The following NALF1 variants were observed in gnomAD, a reference collection of about 807,000 sequenced individuals.
The protein encoded by NALF1 is NALCN channel auxiliary factor 1, also known as family with sequence similarity 155 member A.
A neutral mutation model predicts 48.4 loss-of-function variants in NALF1; 3 were observed. The observed-to-expected ratio is 0.06, with a 90% CI of 0.03 to 0.16. The LOEUF is 0.16. Among genes scored for constraint, NALF1 ranks in the 10% least tolerant of loss-of-function variants. The pLI, the probability that NALF1 is intolerant of heterozygous loss-of-function variation, is 1.00. For missense variants in NALF1, 526 were observed against 571.5 expected, an observed-to-expected ratio of 0.92 and a Z score of 0.81; for synonymous variants, 262 against 245.7, an observed-to-expected ratio of 1.07 and a Z score of -0.62.
chr13:107,279,990 C>T (rs1438504950), intron 1 of NALF1, among the ~76,000 whole-genome samples: 3 of 151,980 alleles, frequency 2.0e-5, no homozygotes, highest in Admixed American at 2.0e-4. Flanking sequence ...TGAGGTCTTG[C>T]TATGTTGCCC....
intron 1 of NALF1, among the ~76,000 whole-genome samples, chr13:107,680,994 CA>C (rs1881287574): frequency 6.6e-6 from 1 of 150,996 alleles, no homozygotes; most frequent in Admixed American, 6.6e-5. Context: ...GTTAATTTTT[CA>C]GTTTTCTGCC....
intron 1 of NALF1, among the ~76,000 whole-genome samples, chr13:107,293,968 G>T (rs2138885490): frequency 6.6e-6 from 1 of 152,344 alleles, no homozygotes; most frequent in East Asian, 1.9e-4. Flanking sequence ...GATAAAACAA[G>T]GGAGGATTTC....
At chr13:107,613,920 T>C (rs1255686722) in intron 1 of NALF1, among the ~76,000 whole-genome samples, 1 of 152,198 alleles carries the variant, frequency 6.6e-6, no homozygotes, top group Non-Finnish European at 1.5e-5. Flanking sequence ...TGTTGGCAAG[T>C]CACTTAGTTC....
chr13:107,194,219 A>G (rs555153787), intron 2 of NALF1, among the ~76,000 whole-genome samples: 1 of 152,238 alleles, frequency 6.6e-6, no homozygotes, highest in South Asian at 2.1e-4. Context: ...CCTCACATAG[A>G]CATTGTGAAG....
intron 1 of NALF1, among the ~76,000 whole-genome samples, chr13:107,249,291 C>A (rs536445458): frequency 6.6e-6 from 1 of 151,934 alleles, no homozygotes; most frequent in African/African-American, 2.4e-5. Context: ...TGATTTATAG[C>A]GAGGAAATCT....
In NALF1 at chr13:107,163,903, AAAAG is replaced by A. The variant is rs1878607824; in HGVS notation, c.*6590_*6593del. 1 of 152,218 alleles carries A rather than the reference AAAAG, an allele frequency of 6.6e-6. No homozygotes were observed. Among genetic ancestry groups the A allele is most frequent in the Non-Finnish European group, 1.5e-5 (1 of 68,036 alleles). 9.4% of individuals were successfully genotyped at this position (152,218 alleles called of 1,614,324 possible). Reference sequence around the variant, plus strand: ...AAAGAAAACAAGAGAAAAAGGAAGAAAAAGAAAGCAAGAGGTTTTCTTTTAACGT... The same window carrying A: ...AAAGAAAACAAGAGAAAAAGGAAGAAAAAGCAAGAGGTTTTCTTTTAACGT... On this transcript the variant is annotated 3_prime_UTR_variant, in exon 3 of 3. Transcript: ENST00000375915.
At chr13:107,523,177 G>A (rs992989603) in intron 1 of NALF1, among the ~76,000 whole-genome samples, 2 of 152,032 alleles carry the variant, frequency 1.3e-5, no homozygotes, top group Non-Finnish European at 2.9e-5. Flanking sequence ...TCATAAGGAG[G>A]GAGGAATTCA....
chr13:107,789,621 A>G (rs1356649014), intron 1 of NALF1, among the ~76,000 whole-genome samples: 3 of 152,194 alleles, frequency 2.0e-5, no homozygotes, highest in African/African-American at 7.2e-5. Flanking sequence ...TTCTTTTTTA[A>G]GCATCAAAAT....
intron 1 of NALF1, among the ~76,000 whole-genome samples, chr13:107,393,212 G>C (rs963076774): frequency 6.6e-6 from 1 of 152,046 alleles, no homozygotes; most frequent in African/African-American, 2.4e-5. Flanking sequence ...AAGAGTTACA[G>C]GAGAAAGAAG....
chr13:107,462,073 T>A (rs1307000255), intron 1 of NALF1, among the ~76,000 whole-genome samples: 2 of 152,194 alleles, frequency 1.3e-5, no homozygotes, highest in Non-Finnish European at 2.9e-5. Flanking sequence ...TTCCTAGTAT[T>A]TCCTGGGAGG....
At position 107,542,421 on chromosome 13, in the gene NALF1, T is replaced by C. The variant is rs541904648; in HGVS notation, c.915+323261A>G. 6.6e-5 allele frequency among the ~76,000 whole-genome samples: 10 copies of C among 152,276 alleles called. No homozygotes were observed. The South Asian group carries it at 2.1e-3, about 32-fold the overall frequency. On this transcript the variant is annotated intron_variant, in intron 1 of 2. Transcript: ENST00000375915. Reference sequence around the variant, plus strand: ...AATGTTCAGAAATTGACTGTGGTGATAGTTTGACATATCTGTGAATATATT... The same window carrying C: ...AATGTTCAGAAATTGACTGTGGTGACAGTTTGACATATCTGTGAATATATT...
chr13:107,353,200 T>A (rs984506199), intron 1 of NALF1, among the ~76,000 whole-genome samples: 1 of 152,214 alleles, frequency 6.6e-6, no homozygotes, highest in African/African-American at 2.4e-5. Flanking sequence ...GACTAGGTAG[T>A]CACTCTGTCA....
intron 1 of NALF1, among the ~76,000 whole-genome samples, chr13:107,335,530 T>C (rs1882540116): frequency 6.6e-6 from 1 of 152,246 alleles, no homozygotes; most frequent in African/African-American, 2.4e-5. Context: ...CTTTTAATTT[T>C]CCACCACTTT....
intron 1 of NALF1, among the ~76,000 whole-genome samples, chr13:107,778,465 ATT>A (rs1877798638): frequency 6.6e-6 from 1 of 152,196 alleles, no homozygotes; most frequent in Admixed American, 6.5e-5. Flanking sequence ...CTGAATTCAA[ATT>A]TTAAAGACCT....
intron 1 of NALF1, among the ~76,000 whole-genome samples, chr13:107,680,031 AGGGGTGG>A (rs754660320): frequency 6.6e-6 from 1 of 152,102 alleles, no homozygotes; most frequent in South Asian, 2.1e-4. Flanking sequence ...GGCCATCAGA[AGGGGTGG>A]GAGACCTCCC....
chr13:107,428,079 A>T (rs973358237), intron 1 of NALF1, among the ~76,000 whole-genome samples: 1 of 152,154 alleles, frequency 6.6e-6, no homozygotes, highest in Admixed American at 6.5e-5. Flanking sequence ...CTTCGAAAAG[A>T]GGGAGGATGA....
intron 1 of NALF1, among the ~76,000 whole-genome samples, chr13:107,428,601 A>T (rs1884322038): frequency 6.6e-6 from 1 of 152,196 alleles, no homozygotes; most frequent in African/African-American, 2.4e-5. Context: ...GAACAATAGG[A>T]AATGTTAGGA....
Position 107,865,989 on chromosome 13 carries a change from TC to T in NALF1, c.607del (p.Asp203ThrfsTer5). On this transcript the variant is annotated frameshift_variant, in exon 1 of 3. Coordinates refer to ENST00000375915, the MANE Select transcript of NALF1 (RefSeq NM_001080396.3). LOFTEE classifies it high-confidence loss of function. ...ATGCTTGCTCCTCACCTCCTGCCCG[TC>T]CCCCCCGGCCGCCCCCCGACTCCAG... ...RNWSRGAAGG[D>X]GQEVRSKHPT... 8 of 1,610,688 alleles carry T rather than the reference TC, an allele frequency of 5.0e-6. No homozygotes were observed. Among genetic ancestry groups the T allele is most frequent in the South Asian group, 1.1e-5 (1 of 90,982 alleles).
intron 1 of NALF1, among the ~76,000 whole-genome samples, chr13:107,347,837 T>G (rs571102942): frequency 2.0e-5 from 3 of 152,300 alleles, no homozygotes; most frequent in Admixed American, 6.5e-5. Flanking sequence ...AAGAGTTAAT[T>G]ATTGGTTGTG....
Sources: allele counts gnomAD v4.1 joint callset (sites outside exome capture counted in the v4.1 genomes callset), GRCh38; gene constraint gnomAD v4.1.1; transcripts MANE v1.5; gene names NCBI Gene and HGNC (gene_info 2026-07-23, HGNC 2026-07-21).